Variants in RAP1GDS1 observed in about 807,000 individuals in gnomAD.
RAP1GDS1 encodes the protein Rap1 GTPase-GDP dissociation stimulator 1.
A neutral mutation model predicts 71.1 loss-of-function variants in RAP1GDS1; 35 were observed. The ratio of observed to expected loss-of-function variants is 0.49; its 90% CI spans 0.38 to 0.65. The LOEUF (loss-of-function observed/expected upper bound fraction) is 0.65, where lower values mean the gene tolerates loss of function less well. Ranked by LOEUF, RAP1GDS1 falls within the 30% of genes least tolerant of loss-of-function variation. RAP1GDS1 has a pLI of 0.00. For missense variants in RAP1GDS1, 663 were observed against 706.1 expected (o/e 0.94, Z 0.69); for synonymous variants, 229 against 243.1 (o/e 0.94, Z 0.54).
intron 3 of RAP1GDS1, among the ~76,000 whole-genome samples, chr4:98,349,996 T>A (rs1254403096): frequency 6.6e-6 from 1 of 152,236 alleles, no homozygotes; most frequent in Non-Finnish European, 1.5e-5. Context: ...TGACAGTGAC[T>A]GAAAGCTGAG....
intron 1 of RAP1GDS1, among the ~76,000 whole-genome samples, chr4:98,282,129 G>A (rs916091619): frequency 7.9e-5 from 12 of 152,266 alleles, no homozygotes; most frequent in Non-Finnish European, 1.6e-4. Flanking sequence ...CTCATAAAAT[G>A]AGTTAGGGAG....
At chr4:98,388,907 G>A (rs943244333) in intron 5 of RAP1GDS1, among the ~76,000 whole-genome samples, 3 of 145,030 alleles carry the variant, frequency 2.1e-5, no homozygotes, top group South Asian at 2.1e-4. Flanking sequence ...AAATTATTTA[G>A]TATTTCATTT....
intron 4 of RAP1GDS1, among the ~76,000 whole-genome samples, chr4:98,354,749 C>T (rs932258553): frequency 4.6e-5 from 7 of 151,956 alleles, no homozygotes; most frequent in South Asian, 2.1e-4. Flanking sequence ...TTATAACCAA[C>T]TTATCCTCAT....
chr4:98,329,015 T>G (rs531832384), intron 2 of RAP1GDS1, among the ~76,000 whole-genome samples: 4 of 152,376 alleles, frequency 2.6e-5, no homozygotes, highest in Admixed American at 1.3e-4. Context: ...TCACTCACTG[T>G]GAGGCTGGGA....
intron 1 of RAP1GDS1, among the ~76,000 whole-genome samples, chr4:98,264,831 T>A (rs1722511914): frequency 6.6e-6 from 1 of 152,072 alleles, no homozygotes; most frequent in African/African-American, 2.4e-5. Flanking sequence ...GGAAGAGAAA[T>A]GACATAAATG....
At chr4:98,417,581 G>C (rs1402510908) in intron 9 of RAP1GDS1, 83 bp downstream of exon 9, 1 of 1,377,056 alleles carries the variant, frequency 7.3e-7, no homozygotes, top group Non-Finnish European at 1.0e-6. Flanking sequence ...ACTAAAACTG[G>C]AACAGTTTAG....
chr4:98,359,647 G>A (rs1170431187), intron 4 of RAP1GDS1, among the ~76,000 whole-genome samples: 1 of 152,186 alleles, frequency 6.6e-6, no homozygotes, highest in Non-Finnish European at 1.5e-5. Context: ...GATCTTGATT[G>A]TGCATCCATT....
intron 2 of RAP1GDS1, among the ~76,000 whole-genome samples, chr4:98,317,919 G>A (rs1186500658): frequency 6.8e-6 from 1 of 147,040 alleles, no homozygotes. Flanking sequence ...TTGGCTTACT[G>A]CAACCCTCTG....
At chr4:98,414,615 G>A (rs892055749) in intron 7 of RAP1GDS1, among the ~76,000 whole-genome samples, 114 of 149,022 alleles carry the variant, frequency 7.6e-4, no homozygotes, top group Admixed American at 1.2e-3. Flanking sequence ...TTTGGTTACT[G>A]TAGCCTTGTA....
At chr4:98,295,319 T>A (rs1386408963) in intron 2 of RAP1GDS1, among the ~76,000 whole-genome samples, 1 of 152,072 alleles carries the variant, frequency 6.6e-6, no homozygotes, top group East Asian at 1.9e-4. Flanking sequence ...TCTCACCAAT[T>A]TAACTAATGA....
At chr4:98,403,656 G>A (rs1294469001) in intron 6 of RAP1GDS1, among the ~76,000 whole-genome samples, 1 of 152,186 alleles carries the variant, frequency 6.6e-6, no homozygotes, top group Non-Finnish European at 1.5e-5. Context: ...ATGCTGTTTG[G>A]TGCTATGGAA....
Position 98,416,641 on chromosome 4 carries a change from C to T in RAP1GDS1, c.764-104C>T, listed in dbSNP as rs1180062760. 9.8e-6 allele frequency: 11 copies of T among 1,127,206 alleles called. 1 individual carries two copies. The highest frequency in any genetic ancestry group is 5.2e-5 in the East Asian group (2 of 38,326). The allele number at this position is 1,127,206 out of a possible 1,614,324, so 69.8% of individuals were successfully genotyped here. A position where few individuals can be genotyped will look rare whatever the true frequency, so the allele number is the denominator to read the frequency against. ...CTGGGATTACAGGCGTGAGCCACCGCACCTGGCCCTCTTAGTTTCTTATAA... is the reference window on the plus strand; with the variant it reads ...CTGGGATTACAGGCGTGAGCCACCGTACCTGGCCCTCTTAGTTTCTTATAA... On this transcript the variant is annotated intron_variant, in intron 7 of 14. Transcript: ENST00000408927.
At chr4:98,409,291 T>C (rs1168272622) in intron 7 of RAP1GDS1, 1 of 152,324 alleles carries the variant, frequency 6.6e-6, no homozygotes, top group Non-Finnish European at 1.5e-5. Flanking sequence ...TTTAACAAAA[T>C]AATGAACACA....
At chr4:98,385,047 G>A (rs950149490) in intron 5 of RAP1GDS1, among the ~76,000 whole-genome samples, 3 of 151,484 alleles carry the variant, frequency 2.0e-5, no homozygotes, top group Admixed American at 6.6e-5. Context: ...AATCATAGCC[G>A]TTATCAAATA....
At chr4:98,406,342 A>G (rs1746116301) in intron 7 of RAP1GDS1, among the ~76,000 whole-genome samples, 1 of 152,012 alleles carries the variant, frequency 6.6e-6, no homozygotes, top group African/African-American at 2.4e-5. Flanking sequence ...ATTGAGAATA[A>G]TAGGGTAGAA....
intron 14 of RAP1GDS1, chr4:98,441,268 A>G (rs1467465996): frequency 2.3e-6 from 2 of 883,490 alleles, no homozygotes; most frequent in South Asian, 5.2e-5. Flanking sequence ...CACTCATCCC[A>G]TATAACAGTT....
intron 1 of RAP1GDS1, among the ~76,000 whole-genome samples, chr4:98,275,163 G>A (rs1455796468): frequency 1.3e-5 from 2 of 151,912 alleles, no homozygotes; most frequent in East Asian, 1.9e-4. Flanking sequence ...TGGTAGTATC[G>A]ATGTATATTG....
intron 1 of RAP1GDS1, among the ~76,000 whole-genome samples, chr4:98,274,016 T>C (rs1391277982): frequency 6.6e-6 from 1 of 152,280 alleles, no homozygotes; most frequent in East Asian, 1.9e-4. Flanking sequence ...GGGAGATCTT[T>C]TTATTTTAAC....
At chr4:98,380,551 G>A (rs895763264) in intron 5 of RAP1GDS1, among the ~76,000 whole-genome samples, 8 of 151,634 alleles carry the variant, frequency 5.3e-5, no homozygotes, top group African/African-American at 1.7e-4. Context: ...CCTTCTGGTG[G>A]AATCAATTTT....
Sources: gnomAD v4.1 joint callset for allele counts (sites outside exome capture counted in the v4.1 genomes callset) on GRCh38, gnomAD v4.1.1 for gene constraint, MANE v1.5 for transcripts, NCBI Gene and HGNC (gene_info 2026-07-23, HGNC 2026-07-21) for gene names.